FGD6: variants seen among roughly 807,000 people sequenced by gnomAD.
FGD6 encodes FYVE, RhoGEF and PH domain-containing protein 6.
A neutral mutation model predicts 149.4 loss-of-function variants in FGD6; 90 were observed. The observed-to-expected ratio is 0.60, with a 90% CI of 0.51 to 0.72. The LOEUF (loss-of-function observed/expected upper bound fraction) is 0.72, where lower values mean the gene tolerates loss of function less well. Ranked by LOEUF, FGD6 falls within the 30% of genes least tolerant of loss-of-function variation. The pLI is 0.00. For synonymous variants in FGD6, 527 were observed against 584.0 expected (o/e 0.90, Z 1.41); for missense variants, 1,437 against 1,684.8 (o/e 0.85, Z 2.57).
intron 2 of FGD6, among the ~76,000 whole-genome samples, chr12:95,192,748 G>T (rs1881627201): frequency 2.0e-5 from 3 of 152,202 alleles, no homozygotes; most frequent in Non-Finnish European, 4.4e-5. Context: ...TACATTGGAA[G>T]GGGAGGATTT....
chr12:95,081,725 C>T (rs141185375), intron 20 of FGD6, among the ~76,000 whole-genome samples, 169 bp from the exon 21 acceptor site: 1,888 of 141,220 alleles, frequency 0.013, 33 homozygotes, highest in African/African-American at 0.047. Flanking sequence ...GCTCTCGTTG[C>T]TCAGGCTGGA....
At chr12:95,196,593 A>G (rs1881743116) in intron 2 of FGD6, among the ~76,000 whole-genome samples, 1 of 152,080 alleles carries the variant, frequency 6.6e-6, no homozygotes, top group African/African-American at 2.4e-5. Context: ...AAACAAGACA[A>G]ACCAAGTTCA....
chr12:95,156,320 A>G (rs551207680), intron 3 of FGD6, among the ~76,000 whole-genome samples: 2 of 152,306 alleles, frequency 1.3e-5, no homozygotes, highest in African/African-American at 4.8e-5. Context: ...CCTGAGAAAG[A>G]GAATGCATCC....
chr12:95,179,466 T>C (rs1431962969), intron 2 of FGD6, among the ~76,000 whole-genome samples: 2 of 152,074 alleles, frequency 1.3e-5, no homozygotes, highest in Non-Finnish European at 2.9e-5. Flanking sequence ...AATTATGACC[T>C]TGCACTCCAG....
intron 5 of FGD6, among the ~76,000 whole-genome samples, chr12:95,149,984 G>T (rs999158478): frequency 8.5e-5 from 10 of 117,700 alleles, no homozygotes; most frequent in Non-Finnish European, 1.4e-4. Flanking sequence ...TACTATATAT[G>T]CTATATATTA....
At chr12:95,135,272 T>G (rs1262743262) in intron 7 of FGD6, among the ~76,000 whole-genome samples, 1 of 152,192 alleles carries the variant, frequency 6.6e-6, no homozygotes, top group East Asian at 1.9e-4. Flanking sequence ...CAGAGCCTTG[T>G]GGTCAATATA....
rs975312089 is a variant in FGD6, at chr12:95,077,198, G to C, written c.*4322C>G. The C allele has an allele frequency of 1.3e-5, 2 of 152,186 alleles. No individual in the cohort carries two copies. The highest frequency in any genetic ancestry group is 2.4e-5 in the African/African-American group (1 of 41,438). The allele number at this position is 152,186 out of a possible 1,614,324, so 9.4% of individuals were successfully genotyped here. A position where few individuals can be genotyped will look rare whatever the true frequency, so the allele number is the denominator to read the frequency against. ...TAAAAAAAATCAGAAGGGATCCATA[G>C]GAAGGAATTTAATTCAGCAAATACT... On this transcript the variant is annotated 3_prime_UTR_variant, in exon 21 of 21. Coordinates refer to ENST00000343958, the MANE Select transcript of FGD6 (RefSeq NM_018351.4).
At chr12:95,114,511 A>G (rs1261655144) in intron 8 of FGD6, among the ~76,000 whole-genome samples, 1 of 151,096 alleles carries the variant, frequency 6.6e-6, no homozygotes, top group Non-Finnish European at 1.5e-5. Context: ...GTGCTGCTAA[A>G]TATCTTATAA....
rs1483992446 is a variant in FGD6, at chr12:95,141,279, A to G, written c.2837+109T>C. The G allele has an allele frequency of 2.6e-6, 3 of 1,167,628 alleles. No individual in the cohort carries two copies. In the African/African-American group the frequency reaches 4.7e-5, roughly 18 times the overall value. The allele number at this position is 1,167,628 out of a possible 1,614,324, so 72.3% of individuals were successfully genotyped here. On this transcript the variant is annotated intron_variant, in intron 6 of 20. Coordinates refer to ENST00000343958, the MANE Select transcript of FGD6 (RefSeq NM_018351.4). ...CTATGGATAACTGCAAAGACAATATATTCAAACAACTCAATGTAATGAAAA... is the reference window on the plus strand; with the variant it reads ...CTATGGATAACTGCAAAGACAATATGTTCAAACAACTCAATGTAATGAAAA...
chr12:95,148,702 T>C lies in FGD6; in HGVS notation c.2685+4109A>G, dbSNP rs1299118793. Among the ~76,000 whole-genome samples, 3 of 108,170 alleles carry C rather than the reference T, an allele frequency of 2.8e-5. 1 individual carries two copies. Among genetic ancestry groups the C allele is most frequent in the Non-Finnish European group, 5.1e-5 (3 of 59,090 alleles). 71.0% of individuals were successfully genotyped at this position (108,170 alleles called of 152,430 possible). A position where few individuals can be genotyped will look rare whatever the true frequency, so the allele number is the denominator to read the frequency against. On this transcript the variant is annotated intron_variant, in intron 5 of 20. Transcript: ENST00000343958. ...GTTATATTATATATATTATATATTA[T>C]ATAATACATAGCATATGTTATATTA...
rs139635764 is a variant in FGD6, at chr12:95,137,604, T to C, written c.2912A>G (p.Lys971Arg). The C allele has an allele frequency of 4.0e-5, 65 of 1,611,962 alleles. No individual in the cohort carries two copies. The African/African-American group carries it at 8.4e-4, about 21-fold the overall frequency. ...CAAGGCTATATTCTTATCAAATTCT[T>C]TGATGTATGTGGAATACATTTTTAG... ...PYLKMYSTYI[K>R]EFDKNIALLD... The change falls in exon 7 of 21, where the codon AAA (lysine) becomes AGA (arginine). Residue 971 changes from lysine (K) to arginine (R), a missense_variant. Transcript: ENST00000343958.
intron 5 of FGD6, among the ~76,000 whole-genome samples, chr12:95,148,865 GATATAGCATATA>G (rs1565908436): frequency 3.5e-3 from 32 of 9,208 alleles, no homozygotes; most frequent in African/African-American, 4.8e-3. Context: ...TATTATATAA[GATATAGCATATA>G]TTATATATAT....
intron 18 of FGD6, among the ~76,000 whole-genome samples, chr12:95,086,675 G>C (rs1261099284): frequency 1.3e-5 from 2 of 149,544 alleles, no homozygotes; most frequent in Non-Finnish European, 3.0e-5. Context: ...GAGTAGCTGG[G>C]ACTACAGGCG....
chr12:95,099,223 T>C (rs1211908539), intron 14 of FGD6, among the ~76,000 whole-genome samples: 1 of 152,170 alleles, frequency 6.6e-6, no homozygotes, highest in Non-Finnish European at 1.5e-5. Context: ...CGCAGCACAA[T>C]GCCTGGCCCA....
rs772325022 is a variant in FGD6, at chr12:95,137,601, T to G, written c.2915A>C (p.Glu972Ala). ...YLKMYSTYIKEFDKNIALLDE... is the reference protein window; with the variant it reads ...YLKMYSTYIKAFDKNIALLDE... ...CAGCAAGGCTATATTCTTATCAAAT[T>G]CTTTGATGTATGTGGAATACATTTT... Residue 972 changes from glutamate (E) to alanine (A), a missense_variant, in exon 7 of 21, where the codon GAA becomes GCA. By Grantham distance (107) the Glu-to-Ala change is moderately radical. This residue lies in a region of FGD6 where 1,055 missense variants were observed against 1,146.0 expected (regional missense o/e 0.92). Coordinates refer to ENST00000343958, the MANE Select transcript of FGD6 (RefSeq NM_018351.4). The G allele has an allele frequency of 1.9e-6, 3 of 1,611,338 alleles. No homozygotes were observed. In the Admixed American group the frequency reaches 5.0e-5, roughly 27 times the overall value.
At chr12:95,120,916 TA>T (rs2136248364) in intron 8 of FGD6, among the ~76,000 whole-genome samples, 1 of 152,258 alleles carries the variant, frequency 6.6e-6, no homozygotes, top group Admixed American at 6.5e-5. Context: ...ATATATTTAT[TA>T]TGTGCTCTTT....
Position 95,149,656 on chromosome 12 carries a change from C to CAAA in FGD6, c.2685+3152_2685+3154dup, listed in dbSNP as rs71078613. On this transcript the variant is annotated intron_variant, in intron 5 of 20. Transcript: ENST00000343958. Reference sequence around the variant, plus strand: ...TGGATGACACAGCAAACCCTTTTTTCAAAAAAAAAGGACAATATTTTGTCA... The same window carrying CAAA: ...TGGATGACACAGCAAACCCTTTTTTCAAAAAAAAAAAAGGACAATATTTTGTCA... Among the ~76,000 whole-genome samples the CAAA allele has an allele frequency of 3.1e-3, 433 of 137,726 alleles. 1 individual carries two copies. The highest frequency in any genetic ancestry group is 7.8e-3 in the Admixed American group (96 of 12,350). The allele number at this position is 137,726 out of a possible 152,430, so 90.4% of individuals were successfully genotyped here. A position where few individuals can be genotyped will look rare whatever the true frequency, so the allele number is the denominator to read the frequency against.
At chr12:95,123,443 G>A (rs1436924503) in intron 8 of FGD6, among the ~76,000 whole-genome samples, 1 of 152,018 alleles carries the variant, frequency 6.6e-6, no homozygotes, top group Admixed American at 6.6e-5. Context: ...TCATCCTAAG[G>A]CAAAATTTTG....
At chr12:95,146,590 G>C (rs887892555) in intron 5 of FGD6, among the ~76,000 whole-genome samples, 1 of 152,138 alleles carries the variant, frequency 6.6e-6, no homozygotes, top group Non-Finnish European at 1.5e-5. Context: ...TTAGCATCAA[G>C]TACCTCGACT....
Sources: allele counts gnomAD v4.1 joint callset (sites outside exome capture counted in the v4.1 genomes callset), GRCh38; gene constraint gnomAD v4.1.1; regional missense constraint gnomAD v4.1.1; transcripts MANE v1.5; gene names NCBI Gene and HGNC (gene_info 2026-07-23, HGNC 2026-07-21).